DENND1A: variants seen among roughly 807,000 people sequenced by gnomAD.
The protein encoded by DENND1A is DENN domain-containing protein 1A.
Under a neutral mutation model 113.7 loss-of-function variants are expected in DENND1A, and 51 were observed. That is an observed-to-expected ratio of 0.45 (90% CI 0.36 to 0.57). The LOEUF (loss-of-function observed/expected upper bound fraction) is 0.57. DENND1A is among the 20% of genes least tolerant of loss of function. DENND1A has a pLI of 0.00. For missense variants in DENND1A, 1,258 were observed against 1,395.9 expected, an observed-to-expected ratio of 0.90 and a Z score of 1.57; for synonymous variants, 565 against 570.8, an observed-to-expected ratio of 0.99 and a Z score of 0.14.
chr9:123,900,709 C>T (rs73669015), intron 1 of DENND1A, among the ~76,000 whole-genome samples: 2,867 of 152,308 alleles, frequency 0.019, 93 homozygotes, highest in African/African-American at 0.066. Flanking sequence ...TCTCTGACTT[C>T]AGTCACTTCA....
intron 10 of DENND1A, among the ~76,000 whole-genome samples, chr9:123,615,266 T>G (rs950349775): frequency 6.6e-6 from 1 of 152,174 alleles, no homozygotes; most frequent in Non-Finnish European, 1.5e-5. Flanking sequence ...ATTTCACAGA[T>G]GGAAAAACTA....
At chr9:123,812,484 T>A (rs1836787609) in intron 2 of DENND1A, among the ~76,000 whole-genome samples, 1 of 151,834 alleles carries the variant, frequency 6.6e-6, no homozygotes, top group Admixed American at 6.6e-5. Context: ...TGTACACAAA[T>A]GAGAATTTCA....
chr9:123,495,516 C>G (rs1166236480), intron 13 of DENND1A, among the ~76,000 whole-genome samples: 2 of 152,172 alleles, frequency 1.3e-5, no homozygotes, highest in African/African-American at 4.8e-5. Flanking sequence ...TGAAAGACAT[C>G]TGGGGGAGGA....
intron 19 of DENND1A, among the ~76,000 whole-genome samples, chr9:123,420,597 T>C (rs1251761036): frequency 6.6e-6 from 1 of 152,062 alleles, no homozygotes; most frequent in African/African-American, 2.4e-5. Flanking sequence ...CGTGAGTGAG[T>C]GCTGAGCTGA....
At chr9:123,848,511 C>T (rs2133102563) in intron 2 of DENND1A, among the ~76,000 whole-genome samples, 1 of 152,218 alleles carries the variant, frequency 6.6e-6, no homozygotes, top group African/African-American at 2.4e-5. Flanking sequence ...GCCATTCTCC[C>T]ATCTTTCTCT....
chr9:123,789,497 T>C (rs10818872), intron 3 of DENND1A, among the ~76,000 whole-genome samples: 10,452 of 152,162 alleles, frequency 0.069, 489 homozygotes, highest in African/African-American at 0.13. Flanking sequence ...GATCATTTAT[T>C]CTGCTTCTAA....
intron 8 of DENND1A, among the ~76,000 whole-genome samples, chr9:123,653,337 G>T (rs1366810): frequency 0.24 from 35,976 of 152,086 alleles, 4,737 homozygotes; most frequent in Admixed American, 0.28. Context: ...ATGTGTAATT[G>T]TGCAGTCTTC....
intron 19 of DENND1A, among the ~76,000 whole-genome samples, chr9:123,415,834 G>A (rs575526030): frequency 3.3e-5 from 5 of 152,314 alleles, no homozygotes; most frequent in African/African-American, 9.6e-5. Context: ...CCTAGACAGG[G>A]CGTGGTGGGG....
At chr9:123,460,187 C>T (rs2048422724) in intron 13 of DENND1A, among the ~76,000 whole-genome samples, 1 of 152,192 alleles carries the variant, frequency 6.6e-6, no homozygotes. Context: ...CACACTAGTT[C>T]CTTGGGAAAA....
At chr9:123,487,153 G>C (rs528653084) in intron 13 of DENND1A, among the ~76,000 whole-genome samples, 3 of 152,370 alleles carry the variant, frequency 2.0e-5, no homozygotes, top group Non-Finnish European at 2.9e-5. Context: ...AGGTCACTGA[G>C]AGTCTAGACA....
intron 5 of DENND1A, among the ~76,000 whole-genome samples, chr9:123,695,204 C>T (rs767646226): frequency 5.3e-5 from 8 of 150,560 alleles, no homozygotes; most frequent in Non-Finnish European, 1.0e-4. Context: ...TACTTAATAA[C>T]TCTCCATATA....
At chr9:123,728,479 CAAAAAA>C (rs60761810) in intron 5 of DENND1A, among the ~76,000 whole-genome samples, 634 of 25,134 alleles carry the variant, frequency 0.025, 6 homozygotes, top group Non-Finnish European at 0.033. Flanking sequence ...CTCTGTCTCC[CAAAAAA>C]AAAAAAAAAA....
intron 2 of DENND1A, among the ~76,000 whole-genome samples, chr9:123,795,931 T>C (rs1053100124): frequency 2.0e-5 from 3 of 152,164 alleles, no homozygotes; most frequent in Non-Finnish European, 2.9e-5. Flanking sequence ...TACCCAAGAA[T>C]TGTCCTGCTG....
chr9:123,713,656 G>T (rs2066778812), intron 5 of DENND1A, among the ~76,000 whole-genome samples: 1 of 151,530 alleles, frequency 6.6e-6, no homozygotes, highest in Non-Finnish European at 1.5e-5. Flanking sequence ...ACAAGTTGGG[G>T]TAAATAACAA....
chr9:123,499,719 T>C (rs1478220922), intron 13 of DENND1A, among the ~76,000 whole-genome samples: 1 of 152,254 alleles, frequency 6.6e-6, no homozygotes, highest in Non-Finnish European at 1.5e-5. Flanking sequence ...GACAGTGGTG[T>C]TGATGTTGGA....
chr9:123,820,365 G>T (rs1838258880), intron 2 of DENND1A, among the ~76,000 whole-genome samples: 1 of 152,204 alleles, frequency 6.6e-6, no homozygotes, highest in African/African-American at 2.4e-5. Flanking sequence ...GGCAACTTCT[G>T]CTTTCATCCT....
chr9:123,711,522 T>TATATATATATAC (rs2066626767), intron 5 of DENND1A, among the ~76,000 whole-genome samples: 2 of 142,890 alleles, frequency 1.4e-5, no homozygotes, highest in Non-Finnish European at 3.0e-5. Flanking sequence ...TGTATATATA[T>TATATATATATAC]ATATATATAT....
At chr9:123,494,886 G>T (rs1588836492) in intron 13 of DENND1A, among the ~76,000 whole-genome samples, 1 of 152,080 alleles carries the variant, frequency 6.6e-6, no homozygotes, top group South Asian at 2.1e-4. Context: ...CTGCCTCCCG[G>T]GTTGAAGCGA....
chr9:123,577,880 T>G (rs2058706424), intron 12 of DENND1A, among the ~76,000 whole-genome samples: 1 of 152,142 alleles, frequency 6.6e-6, no homozygotes, highest in South Asian at 2.1e-4. Flanking sequence ...AAAATGATCT[T>G]TATAGCTAAT....
Sources: gnomAD v4.1 joint callset for allele counts (sites outside exome capture counted in the v4.1 genomes callset) on GRCh38, gnomAD v4.1.1 for gene constraint, MANE v1.5 for transcripts, NCBI Gene and HGNC (gene_info 2026-07-23, HGNC 2026-07-21) for gene names.